AGO3: variants seen among roughly 807,000 people sequenced by gnomAD.
AGO3 encodes argonaute RISC catalytic component 3, also known as protein argonaute-3.
A neutral mutation model predicts 105.5 loss-of-function variants in AGO3; 16 were observed. The ratio of observed to expected loss-of-function variants is 0.15; its 90% CI spans 0.10 to 0.23. The LOEUF (loss-of-function observed/expected upper bound fraction) is 0.23, where lower values mean the gene tolerates loss of function less well. Among genes scored for constraint, AGO3 ranks in the 10% least tolerant of loss-of-function variants. The probability of loss-of-function intolerance (pLI) is 1.00; values close to 1 mark genes in which losing one functional copy is unlikely to be tolerated. For synonymous variants in AGO3, 340 were observed against 367.3 expected, an observed-to-expected ratio of 0.93 and a Z score of 0.85; for missense variants, 534 against 1,088.0, an observed-to-expected ratio of 0.49 and a Z score of 7.16.
intron 11 of AGO3, among the ~76,000 whole-genome samples, chr1:36,014,617 A>C (rs1471465577): frequency 3.3e-5 from 5 of 151,646 alleles, no homozygotes; most frequent in Admixed American, 3.3e-4. Flanking sequence ...TAAAAATACA[A>C]AAAATTAGCC....
At chr1:36,035,183 GATAA>G (rs919137648) in intron 13 of AGO3, among the ~76,000 whole-genome samples, 14 of 152,074 alleles carry the variant, frequency 9.2e-5, no homozygotes, top group African/African-American at 3.4e-4. Flanking sequence ...CCGTAAATGA[GATAA>G]ATAAAGAATT....
rs1239408582 is a variant in AGO3 at position 36,059,556 on chromosome 1, A to G, written c.*3811A>G. On this transcript the variant is annotated 3_prime_UTR_variant, in exon 19 of 19. Coordinates refer to ENST00000373191, the MANE Select transcript of AGO3 (RefSeq NM_024852.4). ...ACTGTAAAATATCAGTCTGGCAACTAGATAATTGATTTTCATATGAAGAAG... is the reference window on the plus strand; with the variant it reads ...ACTGTAAAATATCAGTCTGGCAACTGGATAATTGATTTTCATATGAAGAAG... 3 of 150,650 alleles carry G rather than the reference A, an allele frequency of 2.0e-5. No homozygotes were observed. Among genetic ancestry groups the G allele is most frequent in the African/African-American group, 7.3e-5 (3 of 40,920 alleles). 9.3% of individuals were successfully genotyped at this position (150,650 alleles called of 1,614,324 possible).
chr1:36,016,243 G>A (rs1407986713), intron 11 of AGO3, among the ~76,000 whole-genome samples: 4 of 152,116 alleles, frequency 2.6e-5, no homozygotes, highest in Admixed American at 6.5e-5. Flanking sequence ...GTGCAGTGGC[G>A]TGATCTCGGC....
At chr1:35,941,747 T>A (rs1489168885) in intron 1 of AGO3, among the ~76,000 whole-genome samples, 1 of 152,160 alleles carries the variant, frequency 6.6e-6, no homozygotes. Context: ...AATCCCAGTA[T>A]TTTGGGAGGC....
intron 11 of AGO3, among the ~76,000 whole-genome samples, chr1:36,025,169 T>C (rs1019873909): frequency 2.0e-5 from 3 of 152,192 alleles, no homozygotes; most frequent in Non-Finnish European, 4.4e-5. Context: ...CCTCAGGCCA[T>C]TTCAGAATTT....
chr1:35,980,875 T>C (rs933389234), intron 5 of AGO3, among the ~76,000 whole-genome samples: 1 of 152,252 alleles, frequency 6.6e-6, no homozygotes, highest in Non-Finnish European at 1.5e-5. Flanking sequence ...ATCCATCATT[T>C]TATTTACTTT....
intron 5 of AGO3, among the ~76,000 whole-genome samples, chr1:35,974,553 G>A (rs1266978984): frequency 2.0e-5 from 3 of 151,900 alleles, no homozygotes; most frequent in Admixed American, 6.6e-5. Flanking sequence ...GCTTTATGTC[G>A]TGTCATATTA....
chr1:35,953,148 G>A (rs1450219077), intron 2 of AGO3, among the ~76,000 whole-genome samples: 1 of 152,080 alleles, frequency 6.6e-6, no homozygotes, highest in Non-Finnish European at 1.5e-5. Context: ...GGCTGCACCA[G>A]CCAGACATGG....
chr1:35,964,141 A>G (rs971539923), intron 2 of AGO3, among the ~76,000 whole-genome samples: 2 of 152,112 alleles, frequency 1.3e-5, no homozygotes, highest in Admixed American at 6.6e-5. Context: ...TTATATATGA[A>G]CATATATATG....
At chr1:35,987,819 C>G (rs1195945441) in intron 5 of AGO3, among the ~76,000 whole-genome samples, 1 of 151,028 alleles carries the variant, frequency 6.6e-6, no homozygotes, top group African/African-American at 2.4e-5. Flanking sequence ...CCTGTAATCC[C>G]AGCACTTTGG....
intron 5 of AGO3, among the ~76,000 whole-genome samples, chr1:36,000,504 C>T (rs1401411302): frequency 6.6e-6 from 1 of 152,032 alleles, no homozygotes; most frequent in Non-Finnish European, 1.5e-5. Flanking sequence ...GTAATTACAA[C>T]TTTGTGGTAT....
chr1:35,931,925 T>C (rs1646057759), intron 1 of AGO3, among the ~76,000 whole-genome samples: 1 of 152,212 alleles, frequency 6.6e-6, no homozygotes, highest in Non-Finnish European at 1.5e-5. Flanking sequence ...ATGGCATTGC[T>C]CCTACCCTCG....
upstream of AGO3, chr1:35,931,021 C>T: frequency 2.7e-6 from 1 of 367,758 alleles, no homozygotes; most frequent in Non-Finnish European, 4.9e-6. Flanking sequence ...TCCGGCACGG[C>T]TCGGGGCCCA....
At chr1:35,943,301 CT>C (rs533801617) in intron 1 of AGO3, among the ~76,000 whole-genome samples, 275 of 124,382 alleles carry the variant, frequency 2.2e-3, no homozygotes, top group South Asian at 6.7e-3. Context: ...CCATGCCCAT[CT>C]TTTTTTTTTT....
At chr1:36,048,883 AT>A (rs924344473) in intron 17 of AGO3, among the ~76,000 whole-genome samples, 2 of 152,088 alleles carry the variant, frequency 1.3e-5, no homozygotes, top group African/African-American at 4.8e-5. Flanking sequence ...TTATTTTTGT[AT>A]TTTTGTAGAG....
intron 11 of AGO3, among the ~76,000 whole-genome samples, chr1:36,018,644 G>A (rs987119303): frequency 2.0e-5 from 3 of 151,960 alleles, no homozygotes; most frequent in Non-Finnish European, 4.4e-5. Flanking sequence ...TGTTGGCCAG[G>A]ATGGTCTCGA....
chr1:35,960,888 G>A (rs1646661468), intron 2 of AGO3, among the ~76,000 whole-genome samples: 1 of 150,962 alleles, frequency 6.6e-6, no homozygotes, highest in Admixed American at 6.6e-5. Flanking sequence ...AATATCTAAT[G>A]CCATGATACG....
chr1:36,004,554 A>G (rs1640251360), intron 6 of AGO3, 79 bp downstream of exon 6: 3 of 1,291,418 alleles, frequency 2.3e-6, no homozygotes, highest in African/African-American at 1.5e-5. Flanking sequence ...GTTTTCTTAT[A>G]TAATTAAAAT....
intron 2 of AGO3, among the ~76,000 whole-genome samples, chr1:35,948,937 A>T (rs910486727): frequency 1.3e-5 from 2 of 151,436 alleles, no homozygotes; most frequent in Non-Finnish European, 2.9e-5. Context: ...TTATTTTATT[A>T]TTATTTTATT....
Sources: allele counts gnomAD v4.1 joint callset (sites outside exome capture counted in the v4.1 genomes callset), GRCh38; gene constraint gnomAD v4.1.1; transcripts MANE v1.5; gene names NCBI Gene and HGNC (gene_info 2026-07-23, HGNC 2026-07-21).